MYO3B: variants seen among roughly 807,000 people sequenced by gnomAD.
MYO3B encodes myosin-IIIb.
In MYO3B, 156 loss-of-function variants were observed where a neutral mutation model predicts 174.6. That is an observed-to-expected ratio of 0.89 (90% CI 0.78 to 1.02). The LOEUF (loss-of-function observed/expected upper bound fraction) is 1.02, where lower values mean the gene tolerates loss of function less well. MYO3B is among the 50% of genes least tolerant of loss of function. The pLI is 0.00. For missense variants in MYO3B, 1,632 were observed against 1,639.4 expected, an observed-to-expected ratio of 1.00 and a Z score of 0.08; for synonymous variants, 563 against 569.1, an observed-to-expected ratio of 0.99 and a Z score of 0.15.
intron 16 of MYO3B, among the ~76,000 whole-genome samples, chr2:170,395,376 A>G (rs13416051): frequency 0.36 from 55,502 of 152,094 alleles, 10,384 homozygotes; most frequent in Non-Finnish European, 0.43. Context: ...TTAATGCTAC[A>G]TGAAAACTTT....
intron 25 of MYO3B, among the ~76,000 whole-genome samples, chr2:170,476,073 T>TCCC (rs56257378): frequency 1.3e-5 from 2 of 151,644 alleles, no homozygotes; most frequent in Admixed American, 6.6e-5. Flanking sequence ...GTGTTCCCTG[T>TCCC]CCCCCCCCAC....
At chr2:170,316,018 G>C (rs2093773169) in intron 7 of MYO3B, among the ~76,000 whole-genome samples, 1 of 152,224 alleles carries the variant, frequency 6.6e-6, no homozygotes, top group Non-Finnish European at 1.5e-5. Context: ...TTTCAGAGAT[G>C]ATTCCAAAGC....
intron 32 of MYO3B, among the ~76,000 whole-genome samples, chr2:170,644,983 G>T (rs1698255371): frequency 6.6e-6 from 1 of 152,114 alleles, no homozygotes; most frequent in African/African-American, 2.4e-5. Context: ...TTCTTGAAAA[G>T]GAAAGAGACC....
intron 8 of MYO3B, among the ~76,000 whole-genome samples, chr2:170,356,789 A>ATTTTTTTTTTTTTTTTTTTTTTTTT (rs2094124862): frequency 6.6e-6 from 1 of 152,086 alleles, no homozygotes; most frequent in South Asian, 2.1e-4. Flanking sequence ...CTTTAAAAAA[A>ATTTTTTTTTTTTTTTTTTTTTTTTT]TGTTTTAAGA....
At chr2:170,629,290 CTTCCTGGA>C (rs1331397994) in intron 32 of MYO3B, among the ~76,000 whole-genome samples, 1 of 152,210 alleles carries the variant, frequency 6.6e-6, no homozygotes, top group Non-Finnish European at 1.5e-5. Flanking sequence ...ATGATGCCCA[CTTCCTGGA>C]TTAGCAGCCA....
At chr2:170,381,563 A>G (rs1345354956) in intron 9 of MYO3B, among the ~76,000 whole-genome samples, 1 of 152,214 alleles carries the variant, frequency 6.6e-6, no homozygotes, top group Non-Finnish European at 1.5e-5. Context: ...TATTTACTAT[A>G]TTAATCTCTG....
intron 30 of MYO3B, among the ~76,000 whole-genome samples, chr2:170,520,945 A>G (rs1053561820): frequency 3.5e-4 from 53 of 152,290 alleles, no homozygotes; most frequent in African/African-American, 1.3e-3. Context: ...GGCCTAATAG[A>G]ATGAAACTCA....
At chr2:170,383,622 A>T in intron 11 of MYO3B, 88 bp from the exon 12 acceptor site, 1 of 976,920 alleles carries the variant, frequency 1.0e-6, no homozygotes, top group Non-Finnish European at 1.6e-6. Context: ...GTACCCTAAT[A>T]AGTGACAGAT....
intron 8 of MYO3B, among the ~76,000 whole-genome samples, chr2:170,368,976 A>G (rs1230593289): frequency 6.6e-6 from 1 of 152,184 alleles, no homozygotes; most frequent in Non-Finnish European, 1.5e-5. Flanking sequence ...TGATGGTACA[A>G]ATTGTGTTTT....
chr2:170,418,479 CTTTG>C (rs1245040096), intron 22 of MYO3B, among the ~76,000 whole-genome samples: 2 of 152,306 alleles, frequency 1.3e-5, no homozygotes, highest in Admixed American at 1.3e-4. Context: ...TTGTAGACCT[CTTTG>C]TTTGTGAAAA....
At chr2:170,363,405 T>A (rs1205197092) in intron 8 of MYO3B, among the ~76,000 whole-genome samples, 4 of 152,134 alleles carry the variant, frequency 2.6e-5, no homozygotes, top group Non-Finnish European at 4.4e-5. Flanking sequence ...TAGCTCCCCC[T>A]TGCAGGCATC....
At chr2:170,324,695 G>GTGGA (rs2093852454) in intron 7 of MYO3B, among the ~76,000 whole-genome samples, 1 of 152,220 alleles carries the variant, frequency 6.6e-6, no homozygotes, top group Non-Finnish European at 1.5e-5. Flanking sequence ...TGATGCTGGA[G>GTGGA]TGGACTTGGT....
At chr2:170,632,124 C>T (rs956098060) in intron 32 of MYO3B, among the ~76,000 whole-genome samples, 1 of 152,162 alleles carries the variant, frequency 6.6e-6, no homozygotes, top group Admixed American at 6.5e-5. Context: ...AGCTCTGCAC[C>T]AAGCAGACCT....
At chr2:170,636,676 G>A (rs1309088512) in intron 32 of MYO3B, among the ~76,000 whole-genome samples, 5 of 152,092 alleles carry the variant, frequency 3.3e-5, no homozygotes, top group Non-Finnish European at 7.4e-5. Context: ...GTTTCCCGGT[G>A]CCATCATGGA....
chr2:170,293,173 A>T (rs917443424), intron 7 of MYO3B, among the ~76,000 whole-genome samples: 2 of 151,976 alleles, frequency 1.3e-5, no homozygotes, highest in African/African-American at 4.8e-5. Context: ...AAATCTTGGC[A>T]CTGTATATTT....
At chr2:170,650,551 G>GGT (rs1033509722) in intron 32 of MYO3B, among the ~76,000 whole-genome samples, 1 of 151,878 alleles carries the variant, frequency 6.6e-6, no homozygotes, top group African/African-American at 2.4e-5. Context: ...CTATGACAGA[G>GGT]GTGTGTGTGT....
chr2:170,545,540 G>A (rs1690424303), intron 32 of MYO3B, among the ~76,000 whole-genome samples: 1 of 152,154 alleles, frequency 6.6e-6, no homozygotes, highest in Non-Finnish European at 1.5e-5. Flanking sequence ...AAGTTTTGGT[G>A]TGATAGTTCA....
intron 7 of MYO3B, among the ~76,000 whole-genome samples, chr2:170,282,114 A>C (rs1212530577): frequency 6.6e-6 from 1 of 151,926 alleles, no homozygotes; most frequent in Non-Finnish European, 1.5e-5. Flanking sequence ...ATATCTTCCC[A>C]TTTGTCTACT....
intron 29 of MYO3B, among the ~76,000 whole-genome samples, chr2:170,516,973 T>A (rs13390244): frequency 6.6e-6 from 1 of 152,002 alleles, no homozygotes; most frequent in Non-Finnish European, 1.5e-5. Context: ...CCTTCATATC[T>A]CCATTTCTCC....
Sources: gnomAD v4.1 joint callset for allele counts (sites outside exome capture counted in the v4.1 genomes callset) on GRCh38, gnomAD v4.1.1 for gene constraint, MANE v1.5 for transcripts, NCBI Gene and HGNC (gene_info 2026-07-23, HGNC 2026-07-21) for gene names.